The following PLEKHG5 variants were observed in gnomAD, a reference collection of about 807,000 sequenced individuals.
The protein encoded by PLEKHG5 is pleckstrin homology domain-containing family G member 5.
PLEKHG5 carries 52 observed loss-of-function variants against 103.8 expected under a neutral mutation model. The ratio of observed to expected loss-of-function variants is 0.50; its 90% CI spans 0.40 to 0.63. PLEKHG5 has a LOEUF of 0.63. PLEKHG5 is among the 30% of genes least tolerant of loss of function. The pLI, the probability that PLEKHG5 is intolerant of heterozygous loss-of-function variation, is 0.00. For synonymous variants in PLEKHG5, 592 were observed against 575.5 expected (o/e 1.03, Z -0.41); for missense variants, 1,205 against 1,347.6 (o/e 0.89, Z 1.66).
intron 1 of PLEKHG5, among the ~76,000 whole-genome samples, chr1:6,514,977 C>G (rs575978922): frequency 6.6e-6 from 1 of 152,178 alleles, no homozygotes; most frequent in South Asian, 2.1e-4. Context: ...CTGCTTGAAC[C>G]TGGGAGGCAG....
chr1:6,509,057 G>A (rs960921260), intron 1 of PLEKHG5, among the ~76,000 whole-genome samples: 1 of 152,234 alleles, frequency 6.6e-6, no homozygotes, highest in Non-Finnish European at 1.5e-5. Context: ...CGGGCCCTCA[G>A]CTGGAGGGCT....
chr1:6,512,592 G>A (rs1020134770), intron 1 of PLEKHG5, among the ~76,000 whole-genome samples: 2 of 152,192 alleles, frequency 1.3e-5, no homozygotes, highest in Non-Finnish European at 2.9e-5. Context: ...GCAGCCTCGG[G>A]ACAACTGCAG....
chr1:6,474,829 G>GCTC, intron 5 of PLEKHG5: 1 of 660,796 alleles, frequency 1.5e-6, no homozygotes, highest in Non-Finnish European at 2.7e-6. Context: ...CGCAGGCCTG[G>GCTC]CTCCTGCATA....
intron 1 of PLEKHG5, among the ~76,000 whole-genome samples, chr1:6,502,752 G>T (rs966026400): frequency 2.0e-5 from 3 of 152,216 alleles, no homozygotes; most frequent in Non-Finnish European, 4.4e-5. Context: ...GCTGGCATCG[G>T]CCCACCCTGC....
exon 1 of PLEKHG5, chr1:6,519,932 G>A (rs1638726863): frequency 3.5e-6 from 1 of 282,472 alleles, no homozygotes; most frequent in African/African-American, 2.2e-5. Flanking sequence ...ACACCACAGA[G>A]ACCCCGGCCT....
At chr1:6,519,403 CA>C (rs779790916) in intron 1 of PLEKHG5, 1 of 1,518,628 alleles carries the variant, frequency 6.6e-7, no homozygotes, top group Non-Finnish European at 9.2e-7. Flanking sequence ...TCTGTGTCCT[CA>C]AACCTCCTTT....
chr1:6,491,970 A>G (rs571926057), upstream of PLEKHG5, among the ~76,000 whole-genome samples: 12 of 152,318 alleles, frequency 7.9e-5, no homozygotes, highest in African/African-American at 2.9e-4. The surrounding 1 kb of genome is among the most constrained non-coding windows in gnomAD (Gnocchi z 4.1). Flanking sequence ...GGAGCTGTGC[A>G]GAAAAATTCA....
chr1:6,496,513 C>G, upstream of PLEKHG5: 1 of 1,603,584 alleles, frequency 6.2e-7, no homozygotes, highest in Non-Finnish European at 8.5e-7. Flanking sequence ...CGCCCCTTGT[C>G]CATGCAGGCG....
Position 6,511,558 on chromosome 1 carries a change from G to A in PLEKHG5, c.-165+7887C>T, listed in dbSNP as rs893128450. 3.3e-5 allele frequency among the ~76,000 whole-genome samples: 5 copies of A among 152,334 alleles called. No homozygotes were observed. In the East Asian group the frequency reaches 5.8e-4, roughly 18 times the overall value. On this transcript the variant is annotated intron_variant, in intron 1 of 21. Coordinates refer to the PLEKHG5 transcript ENST00000377740. ...ACCGCCCCCAAGACAGGAGGGATCCGAGAGGGGTCCCACACACTCCTGTGC... is the reference window on the plus strand; with the variant it reads ...ACCGCCCCCAAGACAGGAGGGATCCAAGAGGGGTCCCACACACTCCTGTGC...
chr1:6,517,823 G>T (rs1638664818), intron 1 of PLEKHG5, among the ~76,000 whole-genome samples: 1 of 152,222 alleles, frequency 6.6e-6, no homozygotes, highest in Admixed American at 6.5e-5. Flanking sequence ...ATCCCGCTGG[G>T]GCCGGGATGT....
chr1:6,498,296 T>C (rs1262749203), upstream of PLEKHG5, among the ~76,000 whole-genome samples: 1 of 152,140 alleles, frequency 6.6e-6, no homozygotes, highest in African/African-American at 2.4e-5. Context: ...AGGGTGGACT[T>C]CCCTGACCCC....
chr1:6,516,743 A>ATG (rs1218232507), intron 1 of PLEKHG5, among the ~76,000 whole-genome samples: 2 of 127,360 alleles, frequency 1.6e-5, no homozygotes, highest in African/African-American at 2.7e-5. Context: ...GTGTATATAT[A>ATG]TGTGTGTGTG....
At chr1:6,481,154 T>C (rs186725041) in intron 1 of PLEKHG5, among the ~76,000 whole-genome samples, 2 of 152,334 alleles carry the variant, frequency 1.3e-5, no homozygotes, top group East Asian at 3.9e-4. Context: ...GTTGTCCATG[T>C]GCAGCTAGAG....
Position 6,468,415 on chromosome 1 carries a change from C to G in PLEKHG5, c.2421G>C (p.Pro807=), listed in dbSNP as rs767407997. Residue 807 remains proline, a synonymous_variant, in exon 20 of 21, where the codon CCG becomes CCC. Coordinates refer to ENST00000377728, the MANE Select transcript of PLEKHG5 (RefSeq NM_020631.6). Reference sequence around the variant, plus strand: ...CCATGGAGCAGGAGCGGCCGTCCACCGGACCCAGGGGCAGCAGCTCACTGG... The same window carrying G: ...CCATGGAGCAGGAGCGGCCGTCCACGGGACCCAGGGGCAGCAGCTCACTGG... The part of the protein sequence containing the change: ...TPTSELLPLG[P]VDGRSCSMDS... 3.7e-6 allele frequency: 6 copies of G among 1,612,048 alleles called. No homozygotes were observed. Among genetic ancestry groups the G allele is most frequent in the Non-Finnish European group, 5.1e-6 (6 of 1,179,426 alleles).
chr1:6,513,210 G>A (rs921037937), intron 1 of PLEKHG5, among the ~76,000 whole-genome samples: 1 of 152,246 alleles, frequency 6.6e-6, no homozygotes, highest in Non-Finnish European at 1.5e-5. Flanking sequence ...AGGTGCCAGG[G>A]AAATGCTTAT....
At chr1:6,477,859 C>T (rs1430252619) in intron 1 of PLEKHG5, among the ~76,000 whole-genome samples, 2 of 151,164 alleles carry the variant, frequency 1.3e-5, no homozygotes, top group East Asian at 3.9e-4. Context: ...CACACCAACA[C>T]GTGGTTATTT....
upstream of PLEKHG5, among the ~76,000 whole-genome samples, chr1:6,499,231 G>T (rs1401761080): frequency 6.6e-6 from 1 of 152,192 alleles, no homozygotes; most frequent in East Asian, 1.9e-4. Context: ...TTCTGCCACT[G>T]GGTCTGCCTC....
upstream of PLEKHG5, chr1:6,496,389 G>A (rs780693244): frequency 6.1e-4 from 529 of 868,872 alleles, no homozygotes; most frequent in Non-Finnish European, 7.6e-4. Flanking sequence ...AGCCAGCCGC[G>A]CCCGTGCCAG....
At chr1:6,501,213 G>A (rs1169280864), upstream of PLEKHG5, among the ~76,000 whole-genome samples, 3 of 151,940 alleles carry the variant, frequency 2.0e-5, no homozygotes, top group Admixed American at 1.3e-4. The surrounding 1 kb of genome is among the most constrained non-coding windows in gnomAD (Gnocchi z 4.3). Context: ...ACGCCACTCC[G>A]TCGCCCCACC....
Sources: gnomAD v4.1 joint callset for allele counts (sites outside exome capture counted in the v4.1 genomes callset) on GRCh38, gnomAD v4.1.1 for gene constraint, Gnocchi (gnomAD v3.1) non-coding constraint, MANE v1.5 for transcripts, NCBI Gene and HGNC (gene_info 2026-07-23, HGNC 2026-07-21) for gene names.